The following NF1 variants were observed in gnomAD, a reference collection of about 807,000 sequenced individuals.
NF1 encodes neurofibromin 1.
A neutral mutation model predicts 325.7 loss-of-function variants in NF1; 122 were observed. The observed-to-expected ratio is 0.37, with a 90% CI of 0.32 to 0.44. NF1 has a LOEUF of 0.44. Ranked by LOEUF, NF1 falls within the 20% of genes least tolerant of loss-of-function variation. The pLI, the probability that NF1 is intolerant of heterozygous loss-of-function variation, is 1.00. For synonymous variants in NF1, 1,091 were observed against 1,186.0 expected (o/e 0.92, Z 1.65); for missense variants, 2,140 against 3,415.4 (o/e 0.63, Z 9.31).
intron 28 of NF1, 28 bp from the exon 29 acceptor site, chr17:31,235,890 A>G (rs2151438416): frequency 6.2e-7 from 1 of 1,609,248 alleles, no homozygotes; most frequent in Non-Finnish European, 8.5e-7. Context: ...AGCAGGTATA[A>G]TAAACTCCTA....
chr17:31,164,747 A>G (rs1352762928), intron 4 of NF1, among the ~76,000 whole-genome samples: 2 of 152,212 alleles, frequency 1.3e-5, no homozygotes, highest in Admixed American at 6.5e-5. Flanking sequence ...TGACATTTCT[A>G]TAATTAAGAT....
intron 5 of NF1, among the ~76,000 whole-genome samples, chr17:31,173,144 C>T (rs749020634): frequency 1.4e-4 from 21 of 152,036 alleles, no homozygotes; most frequent in African/African-American, 4.3e-4. Flanking sequence ...GGGCTGGGCG[C>T]GGTGGCTCAC....
chr17:31,294,085 T>C (rs1002013993), intron 36 of NF1, among the ~76,000 whole-genome samples: 1 of 152,176 alleles, frequency 6.6e-6, no homozygotes. Flanking sequence ...CCCAAGTTCG[T>C]CAGACCCAAT....
chr17:31,119,487 G>T (rs1321574284), intron 1 of NF1, among the ~76,000 whole-genome samples: 1 of 150,048 alleles, frequency 6.7e-6, no homozygotes, highest in Non-Finnish European at 1.5e-5. Context: ...GTAAATTTAA[G>T]TTCTTTGTAG....
At chr17:31,344,397 G>A (rs904592237) in intron 48 of NF1, among the ~76,000 whole-genome samples, 1 of 152,232 alleles carries the variant, frequency 6.6e-6, no homozygotes, top group African/African-American at 2.4e-5. Context: ...AGCATGTAGT[G>A]GTGGGTCAGA....
chr17:31,262,812 C>T (rs868756770), intron 35 of NF1, among the ~76,000 whole-genome samples: 2 of 151,638 alleles, frequency 1.3e-5, no homozygotes, highest in African/African-American at 2.4e-5. Context: ...AATGTTTATT[C>T]CTATGTAATT....
At chr17:31,306,797 T>TAA (rs200513481) in intron 36 of NF1, among the ~76,000 whole-genome samples, 2 of 139,086 alleles carry the variant, frequency 1.4e-5, no homozygotes, top group Non-Finnish European at 1.6e-5. Flanking sequence ...TTTAGGAGAT[T>TAA]AAAAAAAAAA....
Position 31,223,612 on chromosome 17 carries a change from G to T in NF1, c.1845+45G>T, listed in dbSNP as rs116688303. The T allele has an allele frequency of 4.3e-3, 6,836 of 1,581,258 alleles. 35 individuals carry two copies. Among genetic ancestry groups the T allele is most frequent in the Non-Finnish European group, 5.4e-3 (6,189 of 1,152,594 alleles). ...TAAAAAATGGAAGAATATTTGGAAT[G>T]GTAATGGTGAGAGATTACTAAAGTG... On this transcript the variant is annotated intron_variant, in intron 16 of 57. Coordinates refer to ENST00000358273, the MANE Select transcript of NF1 (RefSeq NM_001042492.3).
At chr17:31,216,147 C>G (rs1229891942) in intron 13 of NF1, among the ~76,000 whole-genome samples, 1 of 152,112 alleles carries the variant, frequency 6.6e-6, no homozygotes, top group Non-Finnish European at 1.5e-5. Flanking sequence ...GTGTTACAAG[C>G]TATTTGTGGC....
chr17:31,177,062 G>T (rs994380521), intron 5 of NF1, among the ~76,000 whole-genome samples: 2 of 152,172 alleles, frequency 1.3e-5, no homozygotes, highest in Non-Finnish European at 2.9e-5. Flanking sequence ...GTAGTTTGAT[G>T]GGGATAGCAT....
intron 39 of NF1, chr17:31,331,131 GCATT>G (rs1379935372): frequency 1.3e-5 from 2 of 151,020 alleles, no homozygotes; most frequent in African/African-American, 4.9e-5. Context: ...TTTTTTTTCT[GCATT>G]CAAACACATT....
chr17:31,290,865 G>A (rs780696032), intron 36 of NF1, among the ~76,000 whole-genome samples: 9 of 151,542 alleles, frequency 5.9e-5, no homozygotes, highest in Non-Finnish European at 1.0e-4. Context: ...AATTAGCTGG[G>A]CATGGTGGCA....
At chr17:31,244,448 T>A (rs1360819528) in intron 29 of NF1, among the ~76,000 whole-genome samples, 1 of 152,072 alleles carries the variant, frequency 6.6e-6, no homozygotes, top group Non-Finnish European at 1.5e-5. Flanking sequence ...CTCAGGGCAC[T>A]TTAGCTCTTG....
chr17:31,256,949 T>C (rs1226712940), intron 31 of NF1, among the ~76,000 whole-genome samples: 1 of 152,232 alleles, frequency 6.6e-6, no homozygotes, highest in Non-Finnish European at 1.5e-5. Context: ...ATCTAGTTTT[T>C]ACTAACTTCC....
intron 57 of NF1, among the ~76,000 whole-genome samples, chr17:31,370,022 T>TA (rs2070603490): frequency 6.6e-6 from 1 of 152,188 alleles, no homozygotes; most frequent in African/African-American, 2.4e-5. Flanking sequence ...TTTAATGACT[T>TA]TCCAAGATTT....
At position 31,334,935 on chromosome 17, in the gene NF1, A is replaced by G. The variant is rs777021090; in HGVS notation, c.5910A>G (p.Arg1970=). The part of the protein sequence containing the change: ...CKHNDDAKRQ[R]VTAILDKLIT... The stretch of plus-strand genomic sequence containing the variant: ...ATAATGATGATGCCAAACGACAAAG[A>G]GTTACTGCTATTCTTGACAAGCTGA... The change falls in exon 40 of 58, where the codon AGA becomes AGG. Residue 1970 remains arginine, a synonymous_variant. Coordinates refer to ENST00000358273, the MANE Select transcript of NF1 (RefSeq NM_001042492.3). 22 of 1,613,842 alleles carry G rather than the reference A, an allele frequency of 1.4e-5. No homozygotes were observed. In the East Asian group the frequency reaches 1.6e-4, roughly 11 times the overall value.
At chr17:31,227,798 A>AATTT (rs886332522) in intron 20 of NF1, among the ~76,000 whole-genome samples, 192 bp downstream of exon 20, 4 of 152,210 alleles carry the variant, frequency 2.6e-5, no homozygotes, top group African/African-American at 9.7e-5. Context: ...ATTTAACTTA[A>AATTT]ATTTTAACAT....
chr17:31,235,842 G>C (rs2067191417), intron 28 of NF1, 70 bp downstream of exon 28: 5 of 1,610,366 alleles, frequency 3.1e-6, no homozygotes, highest in Non-Finnish European at 4.2e-6. Context: ...TACAGAATGT[G>C]CAGGGCTGAT....
Position 31,159,036 on chromosome 17 carries a change from A to T in NF1, c.231A>T (p.Lys77Asn), listed in dbSNP as rs373563053. The T allele has an allele frequency of 6.4e-5, 103 of 1,608,178 alleles. No individual in the cohort carries two copies. Among genetic ancestry groups the T allele is most frequent in the Non-Finnish European group, 8.4e-5 (99 of 1,174,966 alleles). Residue 77 changes from lysine (K) to asparagine (N), a missense_variant, in exon 3 of 58, where the codon AAA (lysine) becomes AAT (asparagine). Coordinates refer to ENST00000358273, the MANE Select transcript of NF1 (RefSeq NM_001042492.3). ...GAATATTTGGAGAAGCTGCTGAAAA[A>T]AATTTATATCTCTCTCAGTTGATTA... ...NMRIFGEAAEKNLYLSQLIIL... is the reference protein window; with the variant it reads ...NMRIFGEAAENNLYLSQLIIL...
Sources: allele counts gnomAD v4.1 joint callset (sites outside exome capture counted in the v4.1 genomes callset), GRCh38; gene constraint gnomAD v4.1.1; transcripts MANE v1.5; gene names NCBI Gene and HGNC (gene_info 2026-07-23, HGNC 2026-07-21).